Variants in RTL4 observed in about 807,000 individuals in gnomAD.
RTL4 encodes retrotransposon Gag like 4.
Under a neutral mutation model 5.3 loss-of-function variants are expected in RTL4, and 4 were observed. That is an observed-to-expected ratio of 0.75 (90% CI 0.37 to 1.72). RTL4 has a LOEUF of 1.72. RTL4 is among the 40% of genes most tolerant of loss of function. The probability of loss-of-function intolerance (pLI) is 0.04; values close to 1 mark genes in which losing one functional copy is unlikely to be tolerated. For missense variants in RTL4, 260 were observed against 227.1 expected, an observed-to-expected ratio of 1.14 and a Z score of -0.93; for synonymous variants, 98 against 87.3, an observed-to-expected ratio of 1.12 and a Z score of -0.68.
chrX:112,178,229 G>A, the RTL4 span, among the ~76,000 whole-genome samples: 4 of 111,382 alleles, frequency 3.6e-5, no homozygotes, highest in Admixed American at 1.9e-4. Context: ...AGATTAACCA[G>A]GACTTGTAGT....
chrX:112,430,242 G>T, the RTL4 span, among the ~76,000 whole-genome samples: 8 of 109,221 alleles, frequency 7.3e-5, no homozygotes, highest in Admixed American at 9.7e-5. Flanking sequence ...GTTTTTTCTC[G>T]GTCTTTTTTC....
At chrX:112,439,446 G>C in the RTL4 span, among the ~76,000 whole-genome samples, 2 of 111,541 alleles carry the variant, frequency 1.8e-5, no homozygotes, top group African/African-American at 6.5e-5. Flanking sequence ...TCCATCACTT[G>C]CCCTCTCTGA....
At chrX:112,350,962 G>C in the RTL4 span, among the ~76,000 whole-genome samples, 112 of 111,206 alleles carry the variant, frequency 1.0e-3, 1 homozygote, top group African/African-American at 3.6e-3. Context: ...TGATGTTAGG[G>C]CGTCAATTTT....
At chrX:112,109,536 G>C in the RTL4 span, among the ~76,000 whole-genome samples, 1 of 111,564 alleles carries the variant, frequency 9.0e-6, no homozygotes, top group Non-Finnish European at 1.9e-5. Flanking sequence ...AGTGCTGATT[G>C]GTTCATTTTG....
chrX:112,198,785 G>A, the RTL4 span, among the ~76,000 whole-genome samples: 1 of 111,037 alleles, frequency 9.0e-6, no homozygotes, highest in Non-Finnish European at 1.9e-5. Flanking sequence ...TTATATCAGA[G>A]ATAGAGCATG....
chrX:112,157,767 G>A, the RTL4 span, among the ~76,000 whole-genome samples: 1 of 112,090 alleles, frequency 8.9e-6, no homozygotes, highest in South Asian at 3.7e-4. Flanking sequence ...TTCCTGAGCT[G>A]CTGTCCCTGT....
At chrX:112,181,268 C>T in the RTL4 span, among the ~76,000 whole-genome samples, 13 of 111,709 alleles carry the variant, frequency 1.2e-4, no homozygotes, top group Admixed American at 2.8e-4. Flanking sequence ...TGGGCAGACA[C>T]CGAGCTAGCT....
the RTL4 span, among the ~76,000 whole-genome samples, chrX:112,265,799 C>T: frequency 1.3e-3 from 141 of 107,384 alleles, no homozygotes; most frequent in Non-Finnish European, 2.4e-3. Context: ...CTTTATCCTT[C>T]CTCCTCCTCC....
chrX:112,357,969 CT>C, the RTL4 span, among the ~76,000 whole-genome samples: 6 of 110,579 alleles, frequency 5.4e-5, no homozygotes, highest in South Asian at 3.8e-4. Context: ...GTAATTCAAT[CT>C]TTTTTTTTAT....
At chrX:112,151,745 G>A in the RTL4 span, among the ~76,000 whole-genome samples, 3 of 111,669 alleles carry the variant, frequency 2.7e-5, no homozygotes, top group Admixed American at 9.5e-5. Flanking sequence ...CATGGAAGGC[G>A]TTCATGCTGC....
chrX:112,156,313 A>G, the RTL4 span, among the ~76,000 whole-genome samples: 1 of 112,808 alleles, frequency 8.9e-6, no homozygotes, highest in East Asian at 2.8e-4. Flanking sequence ...AGTAACAGAA[A>G]TAAAAGTAAA....
At chrX:112,183,875 G>A in the RTL4 span, among the ~76,000 whole-genome samples, 1 of 111,808 alleles carries the variant, frequency 8.9e-6, no homozygotes, top group African/African-American at 3.3e-5. Context: ...GTCTATCATT[G>A]ATGGACATTT....
At chrX:112,234,607 G>A in the RTL4 span, among the ~76,000 whole-genome samples, 2 of 112,011 alleles carry the variant, frequency 1.8e-5, no homozygotes, top group East Asian at 2.8e-4. Context: ...TGCAAGCCAC[G>A]AGTCATACTT....
At chrX:112,276,000 C>T in the RTL4 span, among the ~76,000 whole-genome samples, 26 of 111,685 alleles carry the variant, frequency 2.3e-4, no homozygotes, top group African/African-American at 8.5e-4. Context: ...TTGGCAGCCT[C>T]AGTAGTTGGT....
At chrX:112,315,545 C>T in the RTL4 span, among the ~76,000 whole-genome samples, 1 of 111,724 alleles carries the variant, frequency 9.0e-6, no homozygotes, top group Non-Finnish European at 1.9e-5. Flanking sequence ...TGATTTTATT[C>T]TCCTTTAGCC....
the RTL4 span, among the ~76,000 whole-genome samples, chrX:112,096,201 A>G: frequency 8.9e-6 from 1 of 111,909 alleles, no homozygotes; most frequent in African/African-American, 3.2e-5. Context: ...AGTTGTTAAG[A>G]AGATTAAATG....
At chrX:112,394,387 C>CT in the RTL4 span, among the ~76,000 whole-genome samples, 1 of 111,488 alleles carries the variant, frequency 9.0e-6, no homozygotes, top group Non-Finnish European at 1.9e-5. Context: ...TTTAATTGTT[C>CT]TTTTTTGATT....
the RTL4 span, among the ~76,000 whole-genome samples, chrX:112,312,454 T>C: frequency 3.4e-4 from 38 of 111,673 alleles, no homozygotes; most frequent in South Asian, 0.014. Flanking sequence ...ATCTCAGGAC[T>C]CCTGGGAGAA....
chrX:112,396,255 C>T, the RTL4 span, among the ~76,000 whole-genome samples: 1 of 110,610 alleles, frequency 9.0e-6, no homozygotes, highest in Non-Finnish European at 1.9e-5. Flanking sequence ...GCTGTGCTGT[C>T]CCTCTCCCAA....
Sources: allele counts gnomAD v4.1 joint callset (sites outside exome capture counted in the v4.1 genomes callset), GRCh38; gene constraint gnomAD v4.1.1; transcripts MANE v1.5; gene names NCBI Gene and HGNC (gene_info 2026-07-23, HGNC 2026-07-21).